TMEM214: variants seen among roughly 807,000 people sequenced by gnomAD.
The protein encoded by TMEM214 is transmembrane protein 214.
TMEM214 carries 71 observed loss-of-function variants against 89.8 expected under a neutral mutation model. That is an observed-to-expected ratio of 0.79 (90% confidence interval 0.65 to 0.96). The LOEUF is 0.96. TMEM214 is among the 40% of genes least tolerant of loss of function. TMEM214 has a pLI of 0.00. For synonymous variants in TMEM214, 332 were observed against 349.5 expected, an observed-to-expected ratio of 0.95 and a Z score of 0.56; for missense variants, 754 against 843.4, an observed-to-expected ratio of 0.89 and a Z score of 1.31.
chr2:27,041,556 C>G lies in TMEM214; in HGVS notation c.*719C>G, dbSNP rs1426303605. The G allele has an allele frequency of 6.5e-6, 1 of 154,082 alleles. No individual in the cohort carries two copies. The highest frequency in any genetic ancestry group is 1.5e-5 in the Non-Finnish European group (1 of 68,280). The allele number at this position is 154,082 out of a possible 1,614,324, so 9.5% of individuals were successfully genotyped here. On this transcript the variant is annotated 3_prime_UTR_variant, in exon 17 of 17. Transcript: ENST00000238788. ...CAGCTTCTCTCCACTGTCCATCCCT[C>G]CTATCATCTGTAGAGCAGAGCACAG...
In TMEM214 at chr2:27,038,677, C is replaced by A; in HGVS notation, c.1294-25C>A. Reference sequence around the variant, plus strand: ...AGGATGGAAGCTCTGGATTCCCTCACAGGCCAGACCTTTCTTGTCCATAGG... The same window carrying A: ...AGGATGGAAGCTCTGGATTCCCTCAAAGGCCAGACCTTTCTTGTCCATAGG... On this transcript the variant is annotated intron_variant, in intron 11 of 16. Coordinates refer to ENST00000238788, the MANE Select transcript of TMEM214 (RefSeq NM_017727.5). This position sits in a 1 kb window ranked among gnomAD's most constrained non-coding sequence, Gnocchi z 4.4. 6.2e-7 allele frequency: 1 copy of A among 1,610,034 alleles called. No homozygotes were observed. Among genetic ancestry groups the A allele is most frequent in the Non-Finnish European group, 8.5e-7 (1 of 1,176,724 alleles).
Position 27,035,284 on chromosome 2 carries a change from T to C in TMEM214, c.501T>C (p.His167=), listed in dbSNP as rs1442073527. The change falls in exon 3 of 17, where the codon CAT becomes CAC. Residue 167 remains histidine, a splice_region_variant and synonymous_variant. Coordinates refer to ENST00000238788, the MANE Select transcript of TMEM214 (RefSeq NM_017727.5). Reference sequence around the variant, plus strand: ...AACCCACGCTGAGCCAGCATACTCATGGTAAGTCCTTCCAGCTTCCTCAAG... The same window carrying C: ...AACCCACGCTGAGCCAGCATACTCACGGTAAGTCCTTCCAGCTTCCTCAAG... ...LSEPTLSQHT[H]DYPYSLVSRE... is the part of the protein sequence containing the mutation. 1.2e-6 allele frequency: 2 copies of C among 1,614,112 alleles called. No homozygotes were observed. Among genetic ancestry groups the C allele is most frequent in the East Asian group, 4.5e-5 (2 of 44,898 alleles).
chr2:27,035,042 C>T, intron 2 of TMEM214, 93 bp from the exon 3 acceptor site: 4 of 1,456,926 alleles, frequency 2.7e-6, no homozygotes, highest in Non-Finnish European at 2.8e-6. Context: ...CCTACTGCCA[C>T]CTAGTTCAAC....
At chr2:27,036,632 G>A in intron 6 of TMEM214, 40 bp downstream of exon 6, 1 of 1,613,366 alleles carries the variant, frequency 6.2e-7, no homozygotes, top group Non-Finnish European at 8.5e-7. Flanking sequence ...GGGTCTCGGA[G>A]CTGGAAAACT....
chr2:27,036,101 G>C, intron 5 of TMEM214, 49 bp downstream of exon 5: 1 of 1,573,294 alleles, frequency 6.4e-7, no homozygotes, highest in Non-Finnish European at 8.7e-7. Flanking sequence ...GACTGGGGAG[G>C]CTGGGCAGAA....
chr2:27,036,284 A>C (rs1667553966), intron 5 of TMEM214, among the ~76,000 whole-genome samples: 1 of 152,210 alleles, frequency 6.6e-6, no homozygotes, highest in Admixed American at 6.5e-5. Flanking sequence ...GAGTTCAGTA[A>C]CTTTCCTAGG....
In TMEM214 at chr2:27,040,853, C is replaced by G; in HGVS notation, c.*16C>G. On this transcript the variant is annotated 3_prime_UTR_variant, in exon 17 of 17. Transcript: ENST00000238788. ...CCAGCAGTAGGCCCTGCCTTCCTGG[C>G]CACTGATTTCTGCATGGGTAGACCA... is the stretch of plus-strand genomic sequence containing the variant. 1 of 1,610,772 alleles carries G rather than the reference C, an allele frequency of 6.2e-7. No homozygotes were observed. Among genetic ancestry groups the G allele is most frequent in the South Asian group, 1.1e-5 (1 of 91,048 alleles).
chr2:27,035,470 G>A, intron 3 of TMEM214, 124 bp from the exon 4 acceptor site: 2 of 1,464,704 alleles, frequency 1.4e-6, no homozygotes, highest in Non-Finnish European at 1.8e-6. Context: ...CTCCTCAGAG[G>A]AAGGATCCCA....
intron 13 of TMEM214, 21 bp downstream of exon 13, chr2:27,039,185 G>A (rs764817221): frequency 1.9e-5 from 31 of 1,604,814 alleles, no homozygotes; most frequent in Admixed American, 5.0e-5. Flanking sequence ...ATGGGCAAGC[G>A]AGGAGGATGG....
At chr2:27,037,736 C>G in intron 9 of TMEM214, 34 bp downstream of exon 9, 2 of 1,614,032 alleles carry the variant, frequency 1.2e-6, no homozygotes, top group Admixed American at 3.3e-5. Context: ...TTCTCCTTCC[C>G]CAGGGGTCAG....
chr2:27,037,055 G>C (rs774337952), intron 7 of TMEM214, 22 bp from the exon 8 acceptor site: 1 of 1,605,774 alleles, frequency 6.2e-7, no homozygotes, highest in East Asian at 2.2e-5. Flanking sequence ...TGTCCAGCGA[G>C]CCTGTTTCTT....
In TMEM214 at chr2:27,037,717, G is replaced by A; in HGVS notation, c.1152+15G>A. ...TGAAGAAAGAGGTGAGGATATGGTG[G>A]GAGGCTTTTTCTCCTTCCCCAGGGG... On this transcript the variant is annotated intron_variant, in intron 9 of 16. Coordinates refer to ENST00000238788, the MANE Select transcript of TMEM214 (RefSeq NM_017727.5). The A allele has an allele frequency of 6.2e-7, 1 of 1,614,040 alleles. No homozygotes were observed. Among genetic ancestry groups the A allele is most frequent in the Middle Eastern group, 1.7e-4 (1 of 6,060 alleles).
In TMEM214 at chr2:27,033,161, T is replaced by G; in HGVS notation, c.146T>G (p.Leu49Arg). ...GCAAACGGAGTGTGGAAATACGACC[T>G]GACCCGTGAGTACCCGCCCTGCCCC... ...GEANGVWKYD[L>R]TPAIQTTSTL... The change falls in exon 1 of 17, where the codon CTG becomes CGG. Residue 49 changes from leucine to arginine, a missense_variant. Transcript: ENST00000238788. 1 of 1,197,840 alleles carries G rather than the reference T, an allele frequency of 8.3e-7. No homozygotes were observed. The highest frequency in any genetic ancestry group is 1.0e-6 in the Non-Finnish European group (1 of 955,236). The allele number at this position is 1,197,840 out of a possible 1,614,324, so 74.2% of individuals were successfully genotyped here. A position where few individuals can be genotyped will look rare whatever the true frequency, so the allele number is the denominator to read the frequency against.
Position 27,037,671 on chromosome 2 carries a change from C to A in TMEM214, c.1121C>A (p.Thr374Asn), listed in dbSNP as rs776160099. 11 of 1,614,172 alleles carry A rather than the reference C, an allele frequency of 6.8e-6. 1 individual carries two copies. In the South Asian group the frequency reaches 9.9e-5, roughly 15 times the overall value. ...TTCCCTTCTTTCCTGTCCAGAGCCA[C>A]CCCTAGCTGTCCCCCTGAGATGAAG... is the stretch of plus-strand genomic sequence containing the variant. ...TYFPSFLSRA[T>N]PSCPPEMKKE... The change falls in exon 9 of 17, where the codon ACC (threonine) becomes AAC (asparagine). Residue 374 changes from threonine to asparagine, a missense_variant. By Grantham distance (65) the Thr-to-Asn change is moderately conservative. Coordinates refer to ENST00000238788, the MANE Select transcript of TMEM214 (RefSeq NM_017727.5).
intron 13 of TMEM214, chr2:27,039,421 G>A (rs1667723830): frequency 8.5e-6 from 5 of 590,386 alleles, no homozygotes; most frequent in Non-Finnish European, 1.5e-5. Flanking sequence ...TTTAACTCCT[G>A]AGGAAATGGT....
At chr2:27,036,449 G>C (rs1356487884) in intron 5 of TMEM214, 38 bp from the exon 6 acceptor site, 24 of 1,551,008 alleles carry the variant, frequency 1.5e-5, no homozygotes, top group Non-Finnish European at 2.0e-5. Context: ...CTGGTGTTTT[G>C]TCCTATCCCA....
In TMEM214 at chr2:27,039,323, T is replaced by A. The variant is rs1667716879; in HGVS notation, c.1525+159T>A. The A allele has an allele frequency of 1.6e-5, 10 of 631,960 alleles. No individual in the cohort carries two copies. In the South Asian group the frequency reaches 1.9e-4, roughly 12 times the overall value. 39.1% of individuals were successfully genotyped at this position (631,960 alleles called of 1,614,324 possible). A position where few individuals can be genotyped will look rare whatever the true frequency, so the allele number is the denominator to read the frequency against. On this transcript the variant is annotated intron_variant, in intron 13 of 16. Transcript: ENST00000238788. ...AGACAGATTTTTTTGTCCACAGATATGACACTACCATTTCAGATTGGACTA... is the reference window on the plus strand; with the variant it reads ...AGACAGATTTTTTTGTCCACAGATAAGACACTACCATTTCAGATTGGACTA...
Position 27,039,741 on chromosome 2 carries a change from C to G in TMEM214, c.1526C>G (p.Ala509Gly). The G allele has an allele frequency of 6.2e-7, 1 of 1,614,184 alleles. No homozygotes were observed. The highest frequency in any genetic ancestry group is 8.5e-7 in the Non-Finnish European group (1 of 1,179,990). ...CTCACCAGAGGCCCCCTTTACTTAG[C>G]CTCCCTTACTGGCCGGTTGCTTCGA... ...HDLRSHSSFQ[A>G]SLTGRLLRSS... Residue 509 changes from alanine (A) to glycine (G), a missense_variant and splice_region_variant, in exon 14 of 17, where the codon GCC (alanine) becomes GGC (glycine). By Grantham distance (60) the Ala-to-Gly change is moderately conservative. Transcript: ENST00000238788.
Position 27,037,568 on chromosome 2 carries a change from G to A in TMEM214, c.1018G>A (p.Glu340Lys), listed in dbSNP as rs911336374. The A allele has an allele frequency of 3.7e-6, 6 of 1,614,000 alleles. No homozygotes were observed. Among genetic ancestry groups the A allele is most frequent in the Non-Finnish European group, 3.4e-6 (4 of 1,180,028 alleles). Reference protein sequence around the residue: ...PNNSLTPSLQEQLCQLYPRLK... With the variant: ...PNNSLTPSLQKQLCQLYPRLK... ...CCTCCCCACCCCACCCAGCCTGCAG[G>A]AGCAGCTGTGTCAGCTCTACCCCCG... The change falls in exon 9 of 17, where the codon GAG (glutamate) becomes AAG (lysine). Residue 340 changes from glutamate to lysine, a missense_variant. Glu to Lys is a moderately conservative substitution (Grantham distance 56). Coordinates refer to ENST00000238788, the MANE Select transcript of TMEM214 (RefSeq NM_017727.5).
Sources: allele counts gnomAD v4.1 joint callset (sites outside exome capture counted in the v4.1 genomes callset), GRCh38; gene constraint gnomAD v4.1.1; non-coding constraint Gnocchi (gnomAD v3.1); transcripts MANE v1.5; gene names NCBI Gene and HGNC (gene_info 2026-07-23, HGNC 2026-07-21).